The following ERBB4 variants were observed in gnomAD, a reference collection of about 807,000 sequenced individuals.
ERBB4 encodes erb-b2 receptor tyrosine kinase 4, also known as receptor tyrosine-protein kinase erbB-4.
ERBB4 carries 42 observed loss-of-function variants against 158.0 expected under a neutral mutation model. That is an observed-to-expected ratio of 0.27 (90% confidence interval 0.21 to 0.34). The LOEUF is 0.34. Ranked by LOEUF, ERBB4 falls within the 10% of genes least tolerant of loss-of-function variation. The pLI is 1.00. For synonymous variants in ERBB4, 583 were observed against 558.7 expected, an observed-to-expected ratio of 1.04 and a Z score of -0.61; for missense variants, 1,333 against 1,624.1, an observed-to-expected ratio of 0.82 and a Z score of 3.08.
intron 1 of ERBB4, among the ~76,000 whole-genome samples, chr2:212,301,078 T>C (rs1372250853): frequency 2.6e-5 from 4 of 151,276 alleles, no homozygotes; most frequent in African/African-American, 7.3e-5. Flanking sequence ...AAGTAGTTAG[T>C]ACTTGGCTGG....
intron 1 of ERBB4, among the ~76,000 whole-genome samples, chr2:212,268,926 C>T (rs2085247369): frequency 6.6e-6 from 1 of 151,704 alleles, no homozygotes; most frequent in Non-Finnish European, 1.5e-5. Flanking sequence ...TAGTAGTACT[C>T]AAAATAATTC....
chr2:212,176,390 A>G (rs896597453), intron 1 of ERBB4, among the ~76,000 whole-genome samples: 1 of 151,930 alleles, frequency 6.6e-6, no homozygotes, highest in Admixed American at 6.6e-5. Context: ...TTACAGGAGA[A>G]AAAGACCAGA....
chr2:212,346,176 C>T (rs972205326), intron 1 of ERBB4, among the ~76,000 whole-genome samples: 4 of 152,052 alleles, frequency 2.6e-5, no homozygotes, highest in Non-Finnish European at 4.4e-5. Context: ...GCCAAGAATA[C>T]CAGAGCACTA....
In ERBB4 at chr2:212,066,529, T is replaced by C. The variant is rs181425693; in HGVS notation, c.234+58223A>G. ...TTGAAACTTCTTGGAGTTATATTTA[T>C]ATGAATATGTTATTAATATGTGTTT... On this transcript the variant is annotated intron_variant, in intron 2 of 27. Coordinates refer to ENST00000342788, the MANE Select transcript of ERBB4 (RefSeq NM_005235.3). 2.5e-3 allele frequency among the ~76,000 whole-genome samples: 388 copies of C among 152,166 alleles called. 1 individual carries two copies. Among genetic ancestry groups the C allele is most frequent in the African/African-American group, 9.0e-3 (373 of 41,558 alleles).
chr2:211,591,566 C>T (rs1483013788), intron 19 of ERBB4, among the ~76,000 whole-genome samples: 1 of 152,248 alleles, frequency 6.6e-6, no homozygotes, highest in Non-Finnish European at 1.5e-5. Context: ...GTGAAATCAT[C>T]TCCAAGCCCT....
At chr2:211,791,377 T>C (rs903647676) in intron 3 of ERBB4, among the ~76,000 whole-genome samples, 1 of 151,898 alleles carries the variant, frequency 6.6e-6, no homozygotes, top group African/African-American at 2.4e-5. Flanking sequence ...GAATCACCTG[T>C]GTTATACCAA....
intron 15 of ERBB4, among the ~76,000 whole-genome samples, chr2:211,660,112 A>G (rs1420097401): frequency 6.6e-6 from 1 of 152,212 alleles, no homozygotes; most frequent in Non-Finnish European, 1.5e-5. Flanking sequence ...GGAAGAGGGG[A>G]AAAAAGAAGT....
Position 211,383,467 on chromosome 2 carries a change from C to A in ERBB4, c.*148G>T. 1.5e-6 allele frequency: 1 copy of A among 677,884 alleles called. No homozygotes were observed. The highest frequency in any genetic ancestry group is 2.6e-6 in the Non-Finnish European group (1 of 380,920). The allele number at this position is 677,884 out of a possible 1,614,324, so 42.0% of individuals were successfully genotyped here. ...CCCTCTAATGTTCAAGTTAGGTAAG[C>A]ACATAACTATCATTGCATCTCTGTA... On this transcript the variant is annotated 3_prime_UTR_variant, in exon 28 of 28. Transcript: ENST00000342788.
At chr2:212,091,217 A>T (rs1346375640) in intron 2 of ERBB4, among the ~76,000 whole-genome samples, 2 of 151,844 alleles carry the variant, frequency 1.3e-5, no homozygotes, top group Non-Finnish European at 2.9e-5. Context: ...AAAAAAAAGT[A>T]CAGAAAGATA....
intron 25 of ERBB4, among the ~76,000 whole-genome samples, chr2:211,397,336 T>C (rs2062941740): frequency 6.6e-6 from 1 of 152,204 alleles, no homozygotes; most frequent in Non-Finnish European, 1.5e-5. Flanking sequence ...ATTTACACGG[T>C]TGCTGCCAAA....
intron 2 of ERBB4, among the ~76,000 whole-genome samples, chr2:212,097,949 G>T (rs1047175678): frequency 1.3e-5 from 2 of 152,136 alleles, no homozygotes; most frequent in Non-Finnish European, 2.9e-5. Context: ...ATATTAGATA[G>T]AAAGTAGCCA....
At chr2:211,778,002 C>T (rs976417207) in intron 4 of ERBB4, 7 of 152,242 alleles carry the variant, frequency 4.6e-5, no homozygotes, top group Non-Finnish European at 1.0e-4. Context: ...TTAAGCTAAG[C>T]CCTTACTAGA....
At chr2:211,719,819 C>T in intron 7 of ERBB4, among the ~76,000 whole-genome samples, 1 of 147,972 alleles carries the variant, frequency 6.8e-6, no homozygotes, top group East Asian at 2.0e-4. Flanking sequence ...CATACTACTG[C>T]ATTCCAGCCT....
chr2:212,446,192 TTGGACTTGTGA>T (rs1225657866), intron 1 of ERBB4, among the ~76,000 whole-genome samples: 1 of 152,018 alleles, frequency 6.6e-6, no homozygotes, highest in Non-Finnish European at 1.5e-5. Context: ...TTGACAACGG[TTGGACTTGTGA>T]TGGTTAATAC....
chr2:211,622,704 G>A (rs1463810204), intron 18 of ERBB4, among the ~76,000 whole-genome samples: 1 of 151,560 alleles, frequency 6.6e-6, no homozygotes, highest in African/African-American at 2.4e-5. Flanking sequence ...GGTGGCTCAT[G>A]CCTCTAATCC....
In ERBB4 at chr2:211,665,920, A is replaced by G. The variant is rs532529160; in HGVS notation, c.1717-443T>C. Among the ~76,000 whole-genome samples the G allele has an allele frequency of 2.0e-5, 3 of 152,330 alleles. No individual in the cohort carries two copies. The East Asian group carries it at 5.8e-4, about 29-fold the overall frequency. On this transcript the variant is annotated intron_variant, in intron 14 of 27. Coordinates refer to ENST00000342788, the MANE Select transcript of ERBB4 (RefSeq NM_005235.3). ...AGTAAAACACATTTTCCCTAGAGGTATTTCATCACCACCACTGGGAATATG... is the reference window on the plus strand; with the variant it reads ...AGTAAAACACATTTTCCCTAGAGGTGTTTCATCACCACCACTGGGAATATG...
chr2:212,312,035 T>C (rs2087066353), intron 1 of ERBB4, among the ~76,000 whole-genome samples: 1 of 151,036 alleles, frequency 6.6e-6, no homozygotes, highest in Admixed American at 6.6e-5. Context: ...TGAGTAGATT[T>C]TGCCTTGAGA....
At chr2:212,161,746 A>C (rs1275706008) in intron 1 of ERBB4, among the ~76,000 whole-genome samples, 2 of 151,888 alleles carry the variant, frequency 1.3e-5, no homozygotes, top group Non-Finnish European at 2.9e-5. Context: ...TTATATGACC[A>C]TATATAGTAT....
intron 25 of ERBB4, among the ~76,000 whole-genome samples, chr2:211,402,470 C>A (rs1008157567): frequency 6.6e-6 from 1 of 152,000 alleles, no homozygotes; most frequent in Non-Finnish European, 1.5e-5. Context: ...AATACTAGCA[C>A]CCTGGCAGCA....
Sources: gnomAD v4.1 joint callset for allele counts (sites outside exome capture counted in the v4.1 genomes callset) on GRCh38, gnomAD v4.1.1 for gene constraint, MANE v1.5 for transcripts, NCBI Gene and HGNC (gene_info 2026-07-23, HGNC 2026-07-21) for gene names.